ATP2A2: variants seen among roughly 807,000 people sequenced by gnomAD.
The protein encoded by ATP2A2 is sarcoplasmic/endoplasmic reticulum calcium ATPase 2.
A neutral mutation model predicts 109.3 loss-of-function variants in ATP2A2; 14 were observed. The ratio of observed to expected loss-of-function variants is 0.13; its 90% CI spans 0.08 to 0.20. The LOEUF is 0.20. Ranked by LOEUF, ATP2A2 falls within the 10% of genes least tolerant of loss-of-function variation. The probability of loss-of-function intolerance (pLI) is 1.00; values close to 1 mark genes in which losing one functional copy is unlikely to be tolerated. For missense variants in ATP2A2, 657 were observed against 1,321.6 expected (o/e 0.50, Z 7.80); for synonymous variants, 506 against 490.9 (o/e 1.03, Z -0.41).
chr12:110,292,153 T>C (rs756609040), intron 4 of ATP2A2, 29 bp downstream of exon 4: 2 of 1,498,656 alleles, frequency 1.3e-6, no homozygotes, highest in South Asian at 2.3e-5. Context: ...ACTGCAAAAT[T>C]TCAATAAGTT....
chr12:110,287,328 G>A (rs2137687380), intron 3 of ATP2A2, among the ~76,000 whole-genome samples: 1 of 152,164 alleles, frequency 6.6e-6, no homozygotes, highest in East Asian at 1.9e-4. Flanking sequence ...CAGTATTTCA[G>A]TGCTGTACAG....
chr12:110,283,688 C>T (rs1250051586), intron 3 of ATP2A2, among the ~76,000 whole-genome samples: 1 of 152,012 alleles, frequency 6.6e-6, no homozygotes, highest in Non-Finnish European at 1.5e-5. Flanking sequence ...GCCTTTTATT[C>T]TTGAATTACG....
chr12:110,281,012 C>G (rs1871984296), upstream of ATP2A2: 1 of 151,936 alleles, frequency 6.6e-6, no homozygotes, highest in South Asian at 2.1e-4. Context: ...ACCCAGCTTC[C>G]CCTCCGCCAG....
At position 110,281,685 on chromosome 12, in the gene ATP2A2, T is replaced by C. The variant is rs1872100247; in HGVS notation, c.-105T>C. 1 of 709,678 alleles carries C rather than the reference T, an allele frequency of 1.4e-6. No individual in the cohort carries two copies. Among genetic ancestry groups the C allele is most frequent in the Non-Finnish European group, 2.1e-6 (1 of 484,648 alleles). The allele number at this position is 709,678 out of a possible 1,614,324, so 44.0% of individuals were successfully genotyped here. On this transcript the variant is annotated 5_prime_UTR_variant, in exon 1 of 20. Coordinates refer to ENST00000539276, the MANE Select transcript of ATP2A2 (RefSeq NM_170665.4). ...CGCAAGAGGAGGAGGGGAGAGCCCG[T>C]CCGCGCCTGGGCTCCCGGGGTGGCA...
At chr12:110,331,063 G>A (rs1878284886) in intron 8 of ATP2A2, 1 of 151,940 alleles carries the variant, frequency 6.6e-6, no homozygotes, top group Admixed American at 6.6e-5. Flanking sequence ...GACTAACATG[G>A]TGAAACCTCG....
At position 110,348,869 on chromosome 12, in the gene ATP2A2, G is replaced by A; in HGVS notation, c.*2399G>A. 3.0e-6 allele frequency: 3 copies of A among 985,480 alleles called. No individual in the cohort carries two copies. The highest frequency in any genetic ancestry group is 3.6e-6 in the Non-Finnish European group (3 of 829,960). The allele number at this position is 985,480 out of a possible 1,614,324, so 61.0% of individuals were successfully genotyped here. A position where few individuals can be genotyped will look rare whatever the true frequency, so the allele number is the denominator to read the frequency against. On this transcript the variant is annotated 3_prime_UTR_variant, in exon 20 of 20. Coordinates refer to ENST00000539276, the MANE Select transcript of ATP2A2 (RefSeq NM_170665.4). ...AAGAAATGGGTTGAATGGGCCAAAT[G>A]CAAGGAGTGCATCTCTGGGCTGCAA...
intron 11 of ATP2A2, among the ~76,000 whole-genome samples, chr12:110,336,693 C>G (rs1878873643): frequency 6.6e-6 from 1 of 152,216 alleles, no homozygotes; most frequent in Non-Finnish European, 1.5e-5. Flanking sequence ...AAAACTCACA[C>G]TGGAATTGAG....
intron 5 of ATP2A2, among the ~76,000 whole-genome samples, chr12:110,308,761 C>T (rs899133223): frequency 1.3e-5 from 2 of 152,048 alleles, no homozygotes; most frequent in African/African-American, 2.4e-5. Flanking sequence ...TCTTGTCAGT[C>T]GAAGGTACTA....
chr12:110,309,083 T>C (rs188468531), intron 5 of ATP2A2, among the ~76,000 whole-genome samples: 119 of 149,254 alleles, frequency 8.0e-4, no homozygotes, highest in African/African-American at 2.8e-3. Context: ...TTTCAAAGAC[T>C]AAGCTGGAAT....
chr12:110,327,900 G>A lies in ATP2A2; in HGVS notation c.978G>A (p.Met326Ile). 6.2e-7 allele frequency: 1 copy of A among 1,613,966 alleles called. No individual in the cohort carries two copies. The highest frequency in any genetic ancestry group is 8.5e-7 in the Non-Finnish European group (1 of 1,179,890). The change falls in exon 8 of 20, where the codon ATG becomes ATA. Residue 326 changes from methionine to isoleucine, a missense_variant. Met to Ile is a conservative substitution (Grantham distance 10). Coordinates refer to ENST00000539276, the MANE Select transcript of ATP2A2 (RefSeq NM_170665.4). This position sits in a 1 kb window ranked among gnomAD's most constrained non-coding sequence, Gnocchi z 4.4. ...GCCTGGCTCTTGGAACTCGCAGAAT[G>A]GCAAAGAAAAATGCCATTGTTCGAA... is the stretch of plus-strand genomic sequence containing the variant. ...TTCLALGTRR[M>I]AKKNAIVRSL...
At chr12:110,308,520 T>C (rs1402156482) in intron 5 of ATP2A2, among the ~76,000 whole-genome samples, 1 of 152,236 alleles carries the variant, frequency 6.6e-6, no homozygotes, top group Non-Finnish European at 1.5e-5. Flanking sequence ...GGGTAAGATA[T>C]AATTCTAAGG....
rs773201194 is a variant in ATP2A2 at position 110,349,521 on chromosome 12, C to A, written c.*3051C>A. On this transcript the variant is annotated 3_prime_UTR_variant, in exon 20 of 20. Coordinates refer to ENST00000539276, the MANE Select transcript of ATP2A2 (RefSeq NM_170665.4). ...ATGATCCATTCTGGAGGAAGCTGTC[C>A]CTTGAGCTCAGTGAGCTCCCAGGCA... 18 of 986,192 alleles carry A rather than the reference C, an allele frequency of 1.8e-5. No individual in the cohort carries two copies. The highest frequency in any genetic ancestry group is 2.2e-5 in the Non-Finnish European group (18 of 830,458). 61.1% of individuals were successfully genotyped at this position (986,192 alleles called of 1,614,324 possible).
intron 5 of ATP2A2, among the ~76,000 whole-genome samples, chr12:110,311,127 G>C (rs1875988821): frequency 6.6e-6 from 1 of 152,190 alleles, no homozygotes; most frequent in African/African-American, 2.4e-5. Context: ...GTTGGGGTTG[G>C]AATTGACTGG....
intron 5 of ATP2A2, among the ~76,000 whole-genome samples, chr12:110,298,897 C>T (rs779054049): frequency 2.0e-5 from 3 of 151,992 alleles, no homozygotes; most frequent in Non-Finnish European, 4.4e-5. Context: ...CTTATATAAC[C>T]TCAGTATGAT....
At chr12:110,341,986 A>G (rs1260850743) in intron 14 of ATP2A2, among the ~76,000 whole-genome samples, 1 of 152,246 alleles carries the variant, frequency 6.6e-6, no homozygotes, top group African/African-American at 2.4e-5. Flanking sequence ...TTTTAGTAAG[A>G]TAATACAGAT....
chr12:110,308,645 T>C (rs1592820377), intron 5 of ATP2A2, among the ~76,000 whole-genome samples: 1 of 152,322 alleles, frequency 6.6e-6, no homozygotes, highest in East Asian at 1.9e-4. Context: ...CTTTTAAACT[T>C]CCACCTCTTT....
At chr12:110,316,406 G>A (rs769646358) in intron 5 of ATP2A2, among the ~76,000 whole-genome samples, 1 of 152,164 alleles carries the variant, frequency 6.6e-6, no homozygotes, top group Non-Finnish European at 1.5e-5. Flanking sequence ...TACCATTATT[G>A]AACCTCATTT....
intron 5 of ATP2A2, among the ~76,000 whole-genome samples, chr12:110,321,414 G>C (rs576314470): frequency 1.3e-5 from 2 of 152,114 alleles, no homozygotes; most frequent in Admixed American, 1.3e-4. Context: ...CTGCCCTTTC[G>C]TAAGACTTAC....
At chr12:110,329,909 T>C (rs1018083354) in intron 8 of ATP2A2, 3 of 152,100 alleles carry the variant, frequency 2.0e-5, no homozygotes, top group Admixed American at 1.3e-4. Context: ...TCATACAGAG[T>C]AGACATTTGT....
Sources: allele counts gnomAD v4.1 joint callset (sites outside exome capture counted in the v4.1 genomes callset), GRCh38; gene constraint gnomAD v4.1.1; non-coding constraint Gnocchi (gnomAD v3.1); transcripts MANE v1.5; gene names NCBI Gene and HGNC (gene_info 2026-07-23, HGNC 2026-07-21).